Variants in BIRC6 observed in about 807,000 individuals in gnomAD.
BIRC6 encodes dual E2 ubiquitin-conjugating enzyme/E3 ubiquitin-protein ligase BIRC6.
In BIRC6, 98 loss-of-function variants were observed where a neutral mutation model predicts 503.3. That is an observed-to-expected ratio of 0.19 (90% CI 0.17 to 0.23). The LOEUF is 0.23. BIRC6 is among the 10% of genes least tolerant of loss of function. BIRC6 has a pLI of 1.00. For synonymous variants in BIRC6, 2,240 were observed against 2,078.7 expected (o/e 1.08, Z -2.11); for missense variants, 5,360 against 5,806.0 (o/e 0.92, Z 2.50).
At chr2:32,483,021 G>T (rs115659355) in intron 39 of BIRC6, among the ~76,000 whole-genome samples, 4,823 of 151,830 alleles carry the variant, frequency 0.032, 187 homozygotes, top group African/African-American at 0.096. Flanking sequence ...AGGTCGAGGG[G>T]CTTCTCTTGC....
chr2:32,377,276 G>C (rs2036945180), intron 1 of BIRC6, among the ~76,000 whole-genome samples: 1 of 150,874 alleles, frequency 6.6e-6, no homozygotes, highest in Admixed American at 6.6e-5. Flanking sequence ...TATTCTACTT[G>C]AGAGTTGGTT....
chr2:32,579,033 A>G (rs982072523), intron 66 of BIRC6, among the ~76,000 whole-genome samples: 9 of 139,892 alleles, frequency 6.4e-5, no homozygotes, highest in Admixed American at 5.0e-4. Context: ...TACCTAATAT[A>G]TATATGTATA....
chr2:32,550,039 T>C (rs1001075615), intron 65 of BIRC6, among the ~76,000 whole-genome samples: 5 of 152,214 alleles, frequency 3.3e-5, no homozygotes, highest in Admixed American at 1.3e-4. Context: ...CTAAGAAATG[T>C]GTTCTTTTCC....
chr2:32,590,393 A>G lies in BIRC6; in HGVS notation c.13356-3522A>G, dbSNP rs1437573958. The stretch of plus-strand genomic sequence containing the variant: ...AATGGCTCTCCTTTTTTAAATGTTT[A>G]TTGCAACTTTGCAGTATGTTTAGCT... On this transcript the variant is annotated intron_variant, in intron 66 of 73. Coordinates refer to ENST00000421745, the MANE Select transcript of BIRC6 (RefSeq NM_016252.4). Among the ~76,000 whole-genome samples, 130 of 152,286 alleles carry G rather than the reference A, an allele frequency of 8.5e-4. 1 individual carries two copies. Among genetic ancestry groups the G allele is most frequent in the Non-Finnish European group, 1.2e-4 (8 of 68,022 alleles).
chr2:32,497,707 G>A (rs2052637308), intron 45 of BIRC6, among the ~76,000 whole-genome samples: 1 of 151,748 alleles, frequency 6.6e-6, no homozygotes, highest in Admixed American at 6.6e-5. Context: ...ATCTTTTTTT[G>A]GGGTCATTCT....
chr2:32,456,085 T>C (rs958955570), intron 23 of BIRC6, among the ~76,000 whole-genome samples: 11 of 152,190 alleles, frequency 7.2e-5, no homozygotes, highest in Admixed American at 5.2e-4. Flanking sequence ...GAAAGAACAT[T>C]TCCAGCACCC....
chr2:32,459,657 C>T (rs2047619384), intron 23 of BIRC6, among the ~76,000 whole-genome samples: 1 of 152,096 alleles, frequency 6.6e-6, no homozygotes, highest in African/African-American at 2.4e-5. Flanking sequence ...AATGCATTAA[C>T]ACTTGTGTGT....
chr2:32,494,744 A>C (rs2052231484), intron 45 of BIRC6, among the ~76,000 whole-genome samples: 1 of 151,890 alleles, frequency 6.6e-6, no homozygotes, highest in Non-Finnish European at 1.5e-5. Context: ...TCTAAAAAAA[A>C]AGAAAAAGAA....
intron 70 of BIRC6, chr2:32,602,620 A>T (rs1055230975): frequency 2.5e-5 from 4 of 162,556 alleles, no homozygotes; most frequent in African/African-American, 9.5e-5. Context: ...GAGGCGGTGG[A>T]TACAATAATT....
At chr2:32,596,756 T>G (rs902741463) in intron 68 of BIRC6, among the ~76,000 whole-genome samples, 4 of 152,242 alleles carry the variant, frequency 2.6e-5, no homozygotes, top group Non-Finnish European at 5.9e-5. Context: ...CTTTTAAAAA[T>G]ACATGGCAGT....
intron 49 of BIRC6, among the ~76,000 whole-genome samples, chr2:32,504,646 G>A (rs975320163): frequency 6.6e-6 from 1 of 151,868 alleles, no homozygotes; most frequent in Non-Finnish European, 1.5e-5. Flanking sequence ...CAGCCTGGGC[G>A]ACAGAGCGAG....
rs752070145 is a variant in BIRC6 at position 32,388,875 on chromosome 2, C to G, written c.771C>G (p.Asp257Glu). 6.2e-7 allele frequency: 1 copy of G among 1,612,770 alleles called. No homozygotes were observed. Among genetic ancestry groups the G allele is most frequent in the Non-Finnish European group, 8.5e-7 (1 of 1,179,540 alleles). The change falls in exon 4 of 74, where the codon GAC becomes GAG. Residue 257 changes from aspartate to glutamate, a missense_variant. Physicochemically the swap from Asp to Glu is conservative, Grantham distance 45. This residue lies in a region of BIRC6 where 134 missense variants were observed against 150.9 expected (regional missense o/e 0.89). Coordinates refer to ENST00000421745, the MANE Select transcript of BIRC6 (RefSeq NM_016252.4). The stretch of plus-strand genomic sequence containing the variant: ...TACCTGTGGCGTCCTCAGTGATGGA[C>G]AGATTGTCTTACCTCTTACCTAGTG... The part of the protein sequence containing the change: ...AALPVASSVM[D>E]RLSYLLPSAR...
chr2:32,474,212 G>A (rs2049458031), intron 33 of BIRC6, among the ~76,000 whole-genome samples: 1 of 151,752 alleles, frequency 6.6e-6, no homozygotes. Context: ...TTTAAAGGTA[G>A]ACTTGGCAAT....
chr2:32,370,788 C>G (rs1432632820), intron 1 of BIRC6, among the ~76,000 whole-genome samples: 4 of 151,938 alleles, frequency 2.6e-5, no homozygotes, highest in African/African-American at 9.7e-5. Context: ...TCTTTATTGA[C>G]TTTGAATGAT....
In BIRC6 at chr2:32,504,343, G is replaced by T. The variant is rs887104886; in HGVS notation, c.9500-662G>T. On this transcript the variant is annotated intron_variant, in intron 49 of 73. Coordinates refer to ENST00000421745, the MANE Select transcript of BIRC6 (RefSeq NM_016252.4). ...TAGAATAAAGATGATTTTTTTAAAGGTGAAGGATATATTGGACATTGTTTT... is the reference window on the plus strand; with the variant it reads ...TAGAATAAAGATGATTTTTTTAAAGTTGAAGGATATATTGGACATTGTTTT... Among the ~76,000 whole-genome samples, 3 of 151,672 alleles carry T rather than the reference G, an allele frequency of 2.0e-5. 1 individual carries two copies. Among genetic ancestry groups the T allele is most frequent in the Admixed American group, 2.0e-4 (3 of 15,208 alleles).
chr2:32,453,904 C>G lies in BIRC6; in HGVS notation c.4715C>G (p.Ser1572Ter). ...GAACCTCTGCACTTTACTTGTGTGT[C>G]AACTAGTGATGGAACCAGAATAGAA... ...EVEPLHFTCVSTSDGTRIERD... is the reference protein window; with the variant it reads ...EVEPLHFTCV The change falls in exon 23 of 74, where the codon TCA (serine) becomes TGA (stop). Residue 1572 changes from serine to a stop codon, truncating the protein, a stop_gained. Transcript: ENST00000421745. LOFTEE classifies it high-confidence loss of function. 1 of 1,613,372 alleles carries G rather than the reference C, an allele frequency of 6.2e-7. No homozygotes were observed. The highest frequency in any genetic ancestry group is 8.5e-7 in the Non-Finnish European group (1 of 1,179,402).
At chr2:32,367,899 T>TA (rs1264800476) in intron 1 of BIRC6, among the ~76,000 whole-genome samples, 1 of 152,166 alleles carries the variant, frequency 6.6e-6, no homozygotes, top group Non-Finnish European at 1.5e-5. Flanking sequence ...AGGAGGTAAA[T>TA]ACTATGTTTA....
intron 45 of BIRC6, among the ~76,000 whole-genome samples, chr2:32,496,339 C>T (rs2052471193): frequency 6.6e-6 from 1 of 151,908 alleles, no homozygotes; most frequent in South Asian, 2.1e-4. Context: ...AATTCTCATG[C>T]TTCAGCCTCC....
At chr2:32,448,638 G>A (rs1465540863) in intron 21 of BIRC6, among the ~76,000 whole-genome samples, 157 bp from the exon 22 acceptor site, 2 of 150,514 alleles carry the variant, frequency 1.3e-5, no homozygotes, top group South Asian at 2.1e-4. Context: ...GAGGGAGACC[G>A]TGGAAGGGGA....
Sources: allele counts gnomAD v4.1 joint callset (sites outside exome capture counted in the v4.1 genomes callset), GRCh38; gene constraint gnomAD v4.1.1; regional missense constraint gnomAD v4.1.1; transcripts MANE v1.5; gene names NCBI Gene and HGNC (gene_info 2026-07-23, HGNC 2026-07-21).